Variants in LRCH2 observed in about 807,000 individuals in gnomAD.
LRCH2 encodes leucine-rich repeat and calponin homology domain-containing protein 2.
In LRCH2, 38 loss-of-function variants were observed where a neutral mutation model predicts 68.9. That is an observed-to-expected ratio of 0.55 (90% CI 0.43 to 0.72). The LOEUF (loss-of-function observed/expected upper bound fraction) is 0.72, where lower values mean the gene tolerates loss of function less well. LRCH2 is among the 30% of genes least tolerant of loss of function. The pLI is 0.00. For missense variants in LRCH2, 528 were observed against 572.9 expected, an observed-to-expected ratio of 0.92 and a Z score of 0.80; for synonymous variants, 191 against 208.1, an observed-to-expected ratio of 0.92 and a Z score of 0.71.
intron 1 of LRCH2, chrX:115,190,806 C>T: frequency 8.6e-7 from 1 of 1,157,287 alleles, no homozygotes; most frequent in Non-Finnish European, 1.2e-6. Context: ...ACAGTGGGGG[C>T]CATGACAGTT....
At chrX:115,179,393 T>C in intron 5 of LRCH2, 34 bp downstream of exon 5, 1 of 1,024,118 alleles carries the variant, frequency 9.8e-7, no homozygotes, top group South Asian at 3.0e-5. Context: ...TGAATAAAAA[T>C]GAGAAGAAAC....
chrX:115,196,922 A>G (rs1272354914), intron 1 of LRCH2, among the ~76,000 whole-genome samples: 1 of 111,397 alleles, frequency 9.0e-6, no homozygotes, highest in Non-Finnish European at 1.9e-5. Flanking sequence ...AAGGATAGAC[A>G]TACTTAGCAC....
At chrX:115,168,664 T>C (rs2072583202) in intron 6 of LRCH2, among the ~76,000 whole-genome samples, 1 of 111,275 alleles carries the variant, frequency 9.0e-6, no homozygotes, top group Non-Finnish European at 1.9e-5. Flanking sequence ...ATTCTGCCCA[T>C]TTCTTTTCAT....
At chrX:115,118,802 T>C (rs1556524909) in intron 20 of LRCH2, among the ~76,000 whole-genome samples, 1 of 109,954 alleles carries the variant, frequency 9.1e-6, no homozygotes, top group Non-Finnish European at 1.9e-5. Flanking sequence ...CAGCAGCACA[T>C]CAAAAAGCTT....
intron 1 of LRCH2, chrX:115,189,366 G>A: frequency 9.3e-7 from 1 of 1,069,830 alleles, no homozygotes; most frequent in African/African-American, 1.9e-5. Flanking sequence ...CCCTCCACGA[G>A]AGCGCTCGAA....
At chrX:115,116,927 T>C (rs2072088113) in intron 20 of LRCH2, among the ~76,000 whole-genome samples, 1 of 111,072 alleles carries the variant, frequency 9.0e-6, no homozygotes, top group Non-Finnish European at 1.9e-5. Context: ...AAATAAATTG[T>C]ACTTCAATAA....
chrX:115,163,939 C>T (rs1556543303), intron 10 of LRCH2, among the ~76,000 whole-genome samples, 156 bp from the exon 11 acceptor site: 2 of 111,871 alleles, frequency 1.8e-5, no homozygotes, highest in African/African-American at 6.5e-5. Flanking sequence ...ATAAGGAAAA[C>T]TTCTGTGTTC....
intron 1 of LRCH2, among the ~76,000 whole-genome samples, chrX:115,211,192 G>C (rs1266970420): frequency 9.0e-6 from 1 of 111,624 alleles, no homozygotes; most frequent in African/African-American, 3.3e-5. Flanking sequence ...TGGTTTGGCC[G>C]TGTTCTCACT....
intron 1 of LRCH2, among the ~76,000 whole-genome samples, chrX:115,230,224 C>A (rs1285507308): frequency 9.0e-6 from 1 of 111,458 alleles, no homozygotes; most frequent in Admixed American, 9.5e-5. Context: ...CAAGAGTCAG[C>A]TACTTTACTG....
chrX:115,205,734 C>T (rs782086836), intron 1 of LRCH2, among the ~76,000 whole-genome samples: 13 of 111,135 alleles, frequency 1.2e-4, no homozygotes, highest in Non-Finnish European at 2.3e-4. Context: ...GTCAAGAAAT[C>T]GAGACCATCC....
At chrX:115,172,030 TTA>T (rs1167014014) in intron 5 of LRCH2, among the ~76,000 whole-genome samples, 1 of 111,172 alleles carries the variant, frequency 9.0e-6, no homozygotes, top group Non-Finnish European at 1.9e-5. Context: ...TTAAACTCTT[TTA>T]GTTTAATTTC....
In LRCH2 at chrX:115,112,835, TAA is replaced by T. The variant is rs782590033; in HGVS notation, c.*379_*380del. 1 of 113,642 alleles carries T rather than the reference TAA, an allele frequency of 8.8e-6. No homozygotes were observed. The highest frequency in any genetic ancestry group is 1.8e-5 in the Non-Finnish European group (1 of 54,397). The allele number at this position is 113,642 out of a possible 1,213,427, so 9.4% of individuals were successfully genotyped here. A position where few individuals can be genotyped will look rare whatever the true frequency, so the allele number is the denominator to read the frequency against. Reference sequence around the variant, plus strand: ...CAAATATAGAATTGCTCTAAATTGCTAAAAAAAATTACCTTTATCCAGATGTT... The same window carrying T: ...CAAATATAGAATTGCTCTAAATTGCTAAAAAATTACCTTTATCCAGATGTT... On this transcript the variant is annotated 3_prime_UTR_variant, in exon 21 of 21. Coordinates refer to ENST00000317135, the MANE Select transcript of LRCH2 (RefSeq NM_020871.4).
intron 5 of LRCH2, among the ~76,000 whole-genome samples, chrX:115,171,286 G>A (rs781809667): frequency 9.0e-6 from 1 of 111,682 alleles, no homozygotes; most frequent in East Asian, 2.8e-4. Flanking sequence ...AAGGAAGAAT[G>A]TTTCTTAGAT....
intron 14 of LRCH2, among the ~76,000 whole-genome samples, chrX:115,134,975 A>T (rs1223868267): frequency 2.7e-5 from 3 of 111,535 alleles, no homozygotes; most frequent in Non-Finnish European, 5.6e-5. Flanking sequence ...CAAAATGTCA[A>T]CATTAACGAG....
intron 1 of LRCH2, among the ~76,000 whole-genome samples, chrX:115,207,459 A>G (rs1556568677): frequency 9.0e-6 from 1 of 111,723 alleles, no homozygotes; most frequent in African/African-American, 3.3e-5. Context: ...GGATGGTTTG[A>G]GCCCAGGAGG....
intron 1 of LRCH2, chrX:115,189,804 C>T: frequency 8.6e-7 from 1 of 1,167,442 alleles, no homozygotes; most frequent in East Asian, 3.3e-5. Context: ...CACAGCGACC[C>T]CCCTCTCAGG....
chrX:115,199,125 C>A (rs1407996930), intron 1 of LRCH2, among the ~76,000 whole-genome samples: 3 of 111,883 alleles, frequency 2.7e-5, no homozygotes, highest in Non-Finnish European at 5.6e-5. Context: ...CATAAAAACA[C>A]ACAAAAGTAT....
intron 5 of LRCH2, among the ~76,000 whole-genome samples, chrX:115,175,988 GGATCTGA>G (rs1314377128): frequency 8.9e-6 from 1 of 111,855 alleles, no homozygotes; most frequent in Non-Finnish European, 1.9e-5. Context: ...TTAACCTGTA[GGATCTGA>G]TGTTAACTCC....
chrX:115,222,316 C>T (rs1248628340), intron 1 of LRCH2, among the ~76,000 whole-genome samples: 9 of 112,092 alleles, frequency 8.0e-5, no homozygotes, highest in Admixed American at 7.6e-4. Flanking sequence ...TGGTTAAAGA[C>T]TGAATATATT....
Sources: allele counts gnomAD v4.1 joint callset (sites outside exome capture counted in the v4.1 genomes callset), GRCh38; gene constraint gnomAD v4.1.1; transcripts MANE v1.5; gene names NCBI Gene and HGNC (gene_info 2026-07-23, HGNC 2026-07-21).